Variants in CDK14 observed in about 807,000 individuals in gnomAD.
CDK14 encodes the protein cyclin dependent kinase 14.
In CDK14, 34 loss-of-function variants were observed where a neutral mutation model predicts 60.7. That is an observed-to-expected ratio of 0.56 (90% CI 0.43 to 0.75). CDK14 has a LOEUF of 0.75. CDK14 is among the 30% of genes least tolerant of loss of function. CDK14 has a pLI of 0.00. For synonymous variants in CDK14, 197 were observed against 203.7 expected (o/e 0.97, Z 0.28); for missense variants, 482 against 564.1 (o/e 0.85, Z 1.47).
intron 14 of CDK14, among the ~76,000 whole-genome samples, chr7:91,163,166 T>C (rs1285325296): frequency 6.6e-6 from 1 of 152,198 alleles, no homozygotes; most frequent in African/African-American, 2.4e-5. Context: ...AAGCTTGTAG[T>C]AGGTGAAAGC....
chr7:90,621,612 TTTTCCTTCC>T (rs1289749501), intron 2 of CDK14, among the ~76,000 whole-genome samples: 8 of 100,512 alleles, frequency 8.0e-5, no homozygotes, highest in African/African-American at 2.7e-4. Context: ...TTCAGACTTT[TTTTCCTTCC>T]TTCCTTCCTT....
chr7:90,890,285 A>T (rs1207283582), intron 6 of CDK14, among the ~76,000 whole-genome samples: 1 of 152,140 alleles, frequency 6.6e-6, no homozygotes, highest in Non-Finnish European at 1.5e-5. Context: ...AAGAGGGAGG[A>T]TCCCTTGAGT....
At position 91,099,387 on chromosome 7, in the gene CDK14, A is replaced by G. The variant is rs893572593; in HGVS notation, c.1155-13155A>G. On this transcript the variant is annotated intron_variant, in intron 12 of 14. Transcript: ENST00000380050. ...GGTTTAAACACCCATTCAATCTTTT[A>G]TCATAAAAAATGAGAGTTGTCTGTT... is the stretch of plus-strand genomic sequence containing the variant. Among the ~76,000 whole-genome samples, 4 of 152,268 alleles carry G rather than the reference A, an allele frequency of 2.6e-5. No homozygotes were observed. The South Asian group carries it at 8.3e-4, about 32-fold the overall frequency.
intron 13 of CDK14, among the ~76,000 whole-genome samples, chr7:91,115,040 G>A (rs527540763): frequency 4.6e-4 from 70 of 152,288 alleles, no homozygotes; most frequent in African/African-American, 1.6e-3. Flanking sequence ...GGCAAAGGCA[G>A]CAGTGGCAGT....
chr7:91,052,888 T>C (rs555689365), intron 11 of CDK14, among the ~76,000 whole-genome samples: 2 of 152,088 alleles, frequency 1.3e-5, no homozygotes, highest in Non-Finnish European at 2.9e-5. Context: ...TTGGAGGCAA[T>C]TGGGGAATGG....
At chr7:90,897,238 T>C (rs1167193199) in intron 6 of CDK14, among the ~76,000 whole-genome samples, 1 of 152,140 alleles carries the variant, frequency 6.6e-6, no homozygotes, top group African/African-American at 2.4e-5. Context: ...TAACAAAATA[T>C]CAAAAGTATA....
chr7:90,984,116 A>G, intron 9 of CDK14, 32 bp from the exon 10 acceptor site: 2 of 1,352,018 alleles, frequency 1.5e-6, no homozygotes, highest in Middle Eastern at 1.8e-4. Context: ...AATATATTGA[A>G]GTTTTGTAAC....
chr7:90,992,274 C>T (rs1025662432), intron 10 of CDK14, among the ~76,000 whole-genome samples: 1 of 152,326 alleles, frequency 6.6e-6, no homozygotes, highest in Admixed American at 6.5e-5. Flanking sequence ...TTTGAATTAA[C>T]TCACATAGTG....
intron 6 of CDK14, among the ~76,000 whole-genome samples, chr7:90,887,674 C>CTGT (rs1791991614): frequency 1.3e-5 from 2 of 152,166 alleles, no homozygotes. Context: ...AAGAGTTCCT[C>CTGT]TGTATTTTGC....
chr7:91,114,953 G>A (rs1171153373), intron 13 of CDK14, among the ~76,000 whole-genome samples: 1 of 152,158 alleles, frequency 6.6e-6, no homozygotes, highest in Non-Finnish European at 1.5e-5. Context: ...GTATTCTGCA[G>A]AGTATATTTA....
chr7:91,028,516 T>C (rs1796669020), intron 10 of CDK14, among the ~76,000 whole-genome samples: 1 of 152,214 alleles, frequency 6.6e-6, no homozygotes, highest in Non-Finnish European at 1.5e-5. Flanking sequence ...CTGTATTCCA[T>C]AGAGATTTTA....
intron 4 of CDK14, among the ~76,000 whole-genome samples, chr7:90,786,326 C>T (rs1340260210): frequency 6.6e-6 from 1 of 152,120 alleles, no homozygotes; most frequent in Non-Finnish European, 1.5e-5. Flanking sequence ...GCCTTCTATT[C>T]ATTAGCCTTT....
chr7:91,171,218 C>T (rs564913909), intron 14 of CDK14, among the ~76,000 whole-genome samples: 26 of 151,924 alleles, frequency 1.7e-4, no homozygotes, highest in Non-Finnish European at 1.5e-5. Context: ...GGCGTGGTGG[C>T]GGGCGCCTGT....
chr7:90,757,670 G>C (rs1584862768), intron 4 of CDK14, among the ~76,000 whole-genome samples: 2 of 151,108 alleles, frequency 1.3e-5, no homozygotes, highest in Admixed American at 1.3e-4. Flanking sequence ...ATGCAGTCTT[G>C]GCTCACTGCA....
chr7:90,865,160 A>G (rs935116627), intron 6 of CDK14, among the ~76,000 whole-genome samples: 7 of 151,678 alleles, frequency 4.6e-5, no homozygotes, highest in African/African-American at 1.5e-4. Flanking sequence ...TTTTGCTGCT[A>G]TATGTGAAGT....
rs775381454 is a variant in CDK14, at chr7:90,878,697, GA to G, written c.639+15432del. ...TCCAAGTATATGACACATTACACCA[GA>G]AAATCAGACTTTCAGAGATCAGAAG... On this transcript the variant is annotated intron_variant, in intron 6 of 14. Transcript: ENST00000380050. 2.1e-4 allele frequency among the ~76,000 whole-genome samples: 32 copies of G among 152,224 alleles called. 1 individual carries two copies. The highest frequency in any genetic ancestry group is 3.8e-4 in the Non-Finnish European group (26 of 68,008).
intron 6 of CDK14, among the ~76,000 whole-genome samples, chr7:90,865,889 A>G (rs1352501134): frequency 6.6e-6 from 1 of 152,134 alleles, no homozygotes; most frequent in Non-Finnish European, 1.5e-5. Flanking sequence ...GTAGTTTGTA[A>G]GATAGACCCA....
At chr7:90,845,192 T>C (rs1167571346) in intron 5 of CDK14, among the ~76,000 whole-genome samples, 2 of 152,126 alleles carry the variant, frequency 1.3e-5, no homozygotes, top group Non-Finnish European at 2.9e-5. Context: ...TCAGTAAACA[T>C]TTATTGAATG....
intron 2 of CDK14, among the ~76,000 whole-genome samples, chr7:90,664,343 A>G (rs1433092588): frequency 6.6e-6 from 1 of 152,184 alleles, no homozygotes; most frequent in Non-Finnish European, 1.5e-5. Flanking sequence ...TGTTGGTGGG[A>G]CTGTAAACTA....
Sources: gnomAD v4.1 joint callset for allele counts (sites outside exome capture counted in the v4.1 genomes callset) on GRCh38, gnomAD v4.1.1 for gene constraint, MANE v1.5 for transcripts, NCBI Gene and HGNC (gene_info 2026-07-23, HGNC 2026-07-21) for gene names.